TROAP: variants seen among roughly 807,000 people sequenced by gnomAD.
TROAP encodes the protein tastin.
In TROAP, 62 loss-of-function variants were observed where a neutral mutation model predicts 83.4. That is an observed-to-expected ratio of 0.74 (90% CI 0.61 to 0.92). TROAP has a LOEUF of 0.92. Among genes scored for constraint, TROAP ranks in the 40% least tolerant of loss-of-function variants. The probability of loss-of-function intolerance (pLI) is 0.00; values close to 1 mark genes in which losing one functional copy is unlikely to be tolerated. For missense variants in TROAP, 876 were observed against 985.1 expected (o/e 0.89, Z 1.48); for synonymous variants, 352 against 386.4 (o/e 0.91, Z 1.04).
intron 4 of TROAP, 22 bp from the exon 5 acceptor site, chr12:49,325,725 A>G: frequency 6.2e-7 from 1 of 1,613,300 alleles, no homozygotes; most frequent in Non-Finnish European, 8.5e-7. Context: ...AGCAGTGCTG[A>G]CAGCCTCTGT....
At chr12:49,325,058 G>A (rs1024871427) in intron 3 of TROAP, among the ~76,000 whole-genome samples, 3 of 151,458 alleles carry the variant, frequency 2.0e-5, no homozygotes, top group South Asian at 2.1e-4. Flanking sequence ...CTACAGGCGC[G>A]CGCCACCAGG....
At chr12:49,325,680 A>T (rs761038444) in intron 4 of TROAP, 22 bp downstream of exon 4, 3 of 1,613,118 alleles carry the variant, frequency 1.9e-6, no homozygotes, top group African/African-American at 2.7e-5. Context: ...GGATGTGAGG[A>T]GACCAGGCTA....
Position 49,325,349 on chromosome 12 carries a change from C to T in TROAP, c.338-152C>T. 7 of 785,058 alleles carry T rather than the reference C, an allele frequency of 8.9e-6. 1 individual carries two copies. Among genetic ancestry groups the T allele is most frequent in the African/African-American group, 5.3e-5 (3 of 56,584 alleles). 48.6% of individuals were successfully genotyped at this position (785,058 alleles called of 1,614,324 possible). On this transcript the variant is annotated intron_variant, in intron 3 of 14. Coordinates refer to ENST00000257909, the MANE Select transcript of TROAP (RefSeq NM_005480.4). Reference sequence around the variant, plus strand: ...GGGATTACAGGCATGAGCCACTGCACCCAGCCATCTATTTCTTAAAAAAAA... The same window carrying T: ...GGGATTACAGGCATGAGCCACTGCATCCAGCCATCTATTTCTTAAAAAAAA...
In TROAP at chr12:49,325,695, G is replaced by C. The variant is rs369478704; in HGVS notation, c.495+37G>C. ...GGATGTGAGGAGACCAGGCTAGGGG[G>C]CACTGAGGGGGGCATCCTGAGCAGT... On this transcript the variant is annotated intron_variant, in intron 4 of 14. Coordinates refer to ENST00000257909, the MANE Select transcript of TROAP (RefSeq NM_005480.4). 15 of 1,612,628 alleles carry C rather than the reference G, an allele frequency of 9.3e-6. No homozygotes were observed. In the East Asian group the frequency reaches 1.1e-4, roughly 12 times the overall value.
chr12:49,330,364 G>C lies in TROAP; in HGVS notation c.1519G>C (p.Glu507Gln), dbSNP rs1943560097. The change falls in exon 13 of 15, where the codon GAG (glutamate) becomes CAG (glutamine). Residue 507 changes from glutamate to glutamine, a missense_variant. Coordinates refer to ENST00000257909, the MANE Select transcript of TROAP (RefSeq NM_005480.4). ...HSGLPKPCLP[E>Q]ECGEPQPCPP... is the part of the protein sequence containing the mutation. ...AGGGCTGCCAAAGCCCTGTCTTCCA[G>C]AGGAGTGCGGGGAACCACAGCCCTG... 4 of 1,614,164 alleles carry C rather than the reference G, an allele frequency of 2.5e-6. No individual in the cohort carries two copies. In the East Asian group the frequency reaches 6.7e-5, roughly 27 times the overall value.
chr12:49,324,033 G>A lies in TROAP; in HGVS notation c.333G>A (p.Gln111=), dbSNP rs776311942. Residue 111 remains glutamine, a synonymous_variant, in exon 3 of 15, where the codon CAG becomes CAA. Transcript: ENST00000257909. ...GQNVGPGPPA[Q]TEAPGTIEFV... ...ATGTGGGGCCTGGGCCCCCTGCCCA[G>A]ACAGGTACCTGTTGGAGCCATGGTA... is the stretch of plus-strand genomic sequence containing the variant. 3.7e-6 allele frequency: 6 copies of A among 1,613,012 alleles called. No homozygotes were observed. In the South Asian group the frequency reaches 5.5e-5, roughly 15 times the overall value.
In TROAP at chr12:49,323,318, A is replaced by G; in HGVS notation, c.-37A>G. 2.9e-6 allele frequency: 1 copy of G among 347,782 alleles called. No homozygotes were observed. Among genetic ancestry groups the G allele is most frequent in the Non-Finnish European group, 5.2e-6 (1 of 191,524 alleles). 21.5% of individuals were successfully genotyped at this position (347,782 alleles called of 1,614,324 possible). On this transcript the variant is annotated 5_prime_UTR_variant, in exon 1 of 15. Coordinates refer to ENST00000257909, the MANE Select transcript of TROAP (RefSeq NM_005480.4). ...GAGAGGGTCAGGAGAAAAGCGGAGG[A>G]AGCTGGGTAGGCCCTGAGGGGCCTC...
chr12:49,323,422 G>A (rs1163538349), intron 1 of TROAP, 73 bp downstream of exon 1: 3 of 755,120 alleles, frequency 4.0e-6, no homozygotes, highest in Non-Finnish European at 6.3e-6. Context: ...GGGGCCCGAG[G>A]GCGAAAGAGT....
At position 49,331,725 on chromosome 12, in the gene TROAP, T is replaced by C; in HGVS notation, c.*108T>C. On this transcript the variant is annotated 3_prime_UTR_variant, in exon 15 of 15. Coordinates refer to ENST00000257909, the MANE Select transcript of TROAP (RefSeq NM_005480.4). ...CCACTTTTGTCCTCAATAAAGTTTC[T>C]AAAGTATCCACGTGTCTAGCTAAGT... 3.5e-6 allele frequency: 5 copies of C among 1,418,438 alleles called. No individual in the cohort carries two copies. Among genetic ancestry groups the C allele is most frequent in the Non-Finnish European group, 4.9e-6 (5 of 1,011,758 alleles). The allele number at this position is 1,418,438 out of a possible 1,614,324, so 87.9% of individuals were successfully genotyped here.
chr12:49,325,640 C>T lies in TROAP; in HGVS notation c.477C>T (p.Gly159=), dbSNP rs774552937. ...KRVLVRGSQG[G]TTQRVQGVRA... Reference sequence around the variant, plus strand: ...TACTGGTTCGAGGAAGTCAGGGAGGCACCACCCAGAGGGTCCAGGTAATGA... The same window carrying T: ...TACTGGTTCGAGGAAGTCAGGGAGGTACCACCCAGAGGGTCCAGGTAATGA... Residue 159 remains glycine, a synonymous_variant, in exon 4 of 15, where the codon GGC becomes GGT. Coordinates refer to ENST00000257909, the MANE Select transcript of TROAP (RefSeq NM_005480.4). The T allele has an allele frequency of 1.2e-6, 2 of 1,613,470 alleles. No individual in the cohort carries two copies. The highest frequency in any genetic ancestry group is 1.1e-5 in the South Asian group (1 of 91,060).
Position 49,329,495 on chromosome 12 carries a change from T to G in TROAP, c.1164+41T>G, listed in dbSNP as rs760060828. The G allele has an allele frequency of 1.3e-6, 2 of 1,565,124 alleles. No individual in the cohort carries two copies. Among genetic ancestry groups the G allele is most frequent in the South Asian group, 1.2e-5 (1 of 82,086 alleles). On this transcript the variant is annotated intron_variant, in intron 11 of 14. Transcript: ENST00000257909. This position sits in a 1 kb window ranked among gnomAD's most constrained non-coding sequence, Gnocchi z 4.5. ...TTCCCCCTACTGAGATCCCTTGCCC[T>G]GTGCTGCCAGCCTGGAGGCCCAGGA...
Position 49,330,656 on chromosome 12 carries a change from G to A in TROAP, c.1811G>A (p.Arg604His), listed in dbSNP as rs201856268. ...GAGCCTGAGATACCGGAGTCCTCTC[G>A]CCAGGAACAGCTTGAGGTACCTGAG... ...RIEPEIPESS[R>H]QEQLEVPEPC... Residue 604 changes from arginine (R) to histidine (H), a missense_variant, in exon 13 of 15, where the codon CGC becomes CAC. Arg to His is a conservative substitution (Grantham distance 29). Coordinates refer to ENST00000257909, the MANE Select transcript of TROAP (RefSeq NM_005480.4). The A allele has an allele frequency of 2.2e-5, 35 of 1,612,410 alleles. No homozygotes were observed. In the Admixed American group the frequency reaches 3.3e-4, roughly 15 times the overall value.
intron 7 of TROAP, 105 bp from the exon 8 acceptor site, chr12:49,327,104 A>G (rs1193500883): frequency 1.4e-6 from 2 of 1,404,798 alleles, no homozygotes; most frequent in Admixed American, 1.8e-5. Flanking sequence ...TAATAGTGCA[A>G]TGGGGCCTAT....
Position 49,328,972 on chromosome 12 carries a change from C to T in TROAP, c.937C>T (p.Gln313Ter). The change falls in exon 9 of 15, where the codon CAG becomes TAG. Residue 313 changes from glutamine to a stop codon, truncating the protein, a stop_gained. Coordinates refer to ENST00000257909, the MANE Select transcript of TROAP (RefSeq NM_005480.4). LOFTEE classifies it high-confidence loss of function. Reference protein sequence around the residue: ...HLMPSPAPVAQPLPGHVVPCP... With the variant: ...HLMPSPAPVA Reference sequence around the variant, plus strand: ...GATGCCCTCCCCTGCCCCTGTGGCCCAGCCCTTGCCTGGCCATGTGGTGCC... The same window carrying T: ...GATGCCCTCCCCTGCCCCTGTGGCCTAGCCCTTGCCTGGCCATGTGGTGCC... 1 of 1,606,458 alleles carries T rather than the reference C, an allele frequency of 6.2e-7. No homozygotes were observed. Among genetic ancestry groups the T allele is most frequent in the Non-Finnish European group, 8.5e-7 (1 of 1,175,134 alleles).
rs1943495709 is a variant in TROAP at position 49,326,060 on chromosome 12, T to G, written c.634-16T>G. 5 of 1,613,288 alleles carry G rather than the reference T, an allele frequency of 3.1e-6. No homozygotes were observed. The highest frequency in any genetic ancestry group is 4.2e-6 in the Non-Finnish European group (5 of 1,179,804). ...CACCTCTGATTCCGTTTTCATCTCT[T>G]GCTCCTGTGGATCAGATTTCACCTT... is the stretch of plus-strand genomic sequence containing the variant. On this transcript the variant is annotated splice_polypyrimidine_tract_variant and intron_variant, in intron 5 of 14. Coordinates refer to ENST00000257909, the MANE Select transcript of TROAP (RefSeq NM_005480.4).
intron 1 of TROAP, 72 bp from the exon 2 acceptor site, chr12:49,323,532 G>A: frequency 6.4e-7 from 1 of 1,564,176 alleles, no homozygotes; most frequent in Non-Finnish European, 8.7e-7. Flanking sequence ...GGGATGGCAG[G>A]ACAGGTGCCC....
In TROAP at chr12:49,326,076, A is replaced by G; in HGVS notation, c.634A>G (p.Ile212Val). Residue 212 changes from isoleucine to valine, a missense_variant and splice_region_variant, in exon 6 of 15, where the codon ATT becomes GTT. Ile to Val is a conservative substitution (Grantham distance 29). Around this residue, in one of 3 missense-constraint regions of TROAP, gnomAD observed 689 missense variants for 722.6 expected, o/e 0.95. Transcript: ENST00000257909. ...TLCPQRLQAL[I>V]SPSGPSFHPS... The stretch of plus-strand genomic sequence containing the variant: ...TTCATCTCTTGCTCCTGTGGATCAG[A>G]TTTCACCTTCAGGACCTTCCTTTCA... 6.2e-7 allele frequency: 1 copy of G among 1,613,644 alleles called. No homozygotes were observed. Among genetic ancestry groups the G allele is most frequent in the African/African-American group, 1.3e-5 (1 of 74,988 alleles).
chr12:49,328,359 G>C (rs1330002575), intron 8 of TROAP, among the ~76,000 whole-genome samples: 1 of 151,762 alleles, frequency 6.6e-6, no homozygotes, highest in African/African-American at 2.4e-5. Flanking sequence ...GAGTAGCTGG[G>C]AATACAGGCA....
Position 49,329,018 on chromosome 12 carries a change from GGGCTCA to G in TROAP, c.985_990del (p.Ala329_Gln330del). The G allele has an allele frequency of 1.2e-6, 2 of 1,611,246 alleles. No individual in the cohort carries two copies. Among genetic ancestry groups the G allele is most frequent in the Non-Finnish European group, 1.7e-6 (2 of 1,178,146 alleles). ...GTGCCATGTCCATCACCCTTTGGAC[GGGCTCA>G]GCGTGTACCCTCCCCAGGCCCTCCA... On this transcript the variant is annotated inframe_deletion, in exon 9 of 15. Transcript: ENST00000257909. The surrounding 1 kb of genome is among the most constrained non-coding windows in gnomAD (Gnocchi z 4.5).
Sources: gnomAD v4.1 joint callset for allele counts (sites outside exome capture counted in the v4.1 genomes callset) on GRCh38, gnomAD v4.1.1 for gene constraint, gnomAD v4.1.1 regional missense constraint, Gnocchi (gnomAD v3.1) non-coding constraint, MANE v1.5 for transcripts, NCBI Gene and HGNC (gene_info 2026-07-23, HGNC 2026-07-21) for gene names.